TENM2: variants seen among roughly 807,000 people sequenced by gnomAD.
TENM2 encodes the protein teneurin transmembrane protein 2.
In TENM2, 52 loss-of-function variants were observed where a neutral mutation model predicts 245.2. That is an observed-to-expected ratio of 0.21 (90% CI 0.17 to 0.27). TENM2 has a LOEUF of 0.27. Ranked by LOEUF, TENM2 falls within the 10% of genes least tolerant of loss-of-function variation. The pLI is 1.00. For missense variants in TENM2, 3,046 were observed against 3,666.8 expected, an observed-to-expected ratio of 0.83 and a Z score of 4.37; for synonymous variants, 1,363 against 1,438.9, an observed-to-expected ratio of 0.95 and a Z score of 1.19.
At chr5:167,179,564 A>G in the TENM2 span, among the ~76,000 whole-genome samples, 6 of 152,126 alleles carry the variant, frequency 3.9e-5, no homozygotes, top group Admixed American at 6.5e-5. Context: ...TTGGTGGCGT[A>G]GGTTTCTTGA....
chr5:167,530,445 T>C (rs12654925), intron 2 of TENM2, among the ~76,000 whole-genome samples: 12,943 of 152,334 alleles, frequency 0.085, 606 homozygotes, highest in South Asian at 0.19. Context: ...CCTTCTCTTA[T>C]GTCTTTTAAT....
intron 3 of TENM2, among the ~76,000 whole-genome samples, chr5:167,879,213 C>T (rs1170559755): frequency 6.6e-6 from 1 of 152,196 alleles, no homozygotes; most frequent in African/African-American, 2.4e-5. Flanking sequence ...TTTTCTATGA[C>T]AGTGGTGCAT....
the TENM2 span, among the ~76,000 whole-genome samples, chr5:167,024,442 AG>A: frequency 6.6e-6 from 1 of 152,210 alleles, no homozygotes; most frequent in African/African-American, 2.4e-5. Context: ...GAAAGAACTA[AG>A]GTAAGCAATA....
At chr5:167,658,233 G>A (rs1351723764) in intron 2 of TENM2, among the ~76,000 whole-genome samples, 3 of 148,710 alleles carry the variant, frequency 2.0e-5, no homozygotes, top group Non-Finnish European at 4.4e-5. Flanking sequence ...TTTTAAGACC[G>A]AGTTTCACTC....
chr5:167,474,762 C>T (rs1582148541), intron 2 of TENM2, among the ~76,000 whole-genome samples: 2 of 152,094 alleles, frequency 1.3e-5, no homozygotes, highest in African/African-American at 4.8e-5. Flanking sequence ...GTGATCCGCT[C>T]GCCTCAGCCT....
the TENM2 span, among the ~76,000 whole-genome samples, chr5:167,227,371 G>A: frequency 2.0e-5 from 3 of 152,074 alleles, no homozygotes; most frequent in Non-Finnish European, 4.4e-5. Flanking sequence ...ATACTTTTGT[G>A]TGTTTTCATG....
At chr5:167,386,638 A>C (rs1761446637) in intron 2 of TENM2, among the ~76,000 whole-genome samples, 1 of 152,160 alleles carries the variant, frequency 6.6e-6, no homozygotes, top group African/African-American at 2.4e-5. Flanking sequence ...GAATTTTTAT[A>C]GTTTCAGATC....
the TENM2 span, among the ~76,000 whole-genome samples, chr5:167,096,223 T>C: frequency 6.6e-6 from 1 of 152,258 alleles, no homozygotes; most frequent in Non-Finnish European, 1.5e-5. Context: ...AAGCTGATAC[T>C]ACATCTATCA....
chr5:167,212,597 G>T, the TENM2 span, among the ~76,000 whole-genome samples: 2 of 152,112 alleles, frequency 1.3e-5, no homozygotes, highest in Non-Finnish European at 2.9e-5. Flanking sequence ...GATGTGCCAT[G>T]GCTTATTGAA....
At position 168,195,684 on chromosome 5, in the gene TENM2, G is replaced by A. The variant is rs80015809; in HGVS notation, c.2900+389G>A. 5.0e-3 allele frequency among the ~76,000 whole-genome samples: 757 copies of A among 150,506 alleles called. 6 individuals are homozygous for A. The highest frequency in any genetic ancestry group is 0.018 in the African/African-American group (728 of 41,080). ...AACGAACTCCTGTTTTAAATCAAAG[G>A]CAGTGCAGGGTGACAGGAATCCACA... On this transcript the variant is annotated intron_variant, in intron 15 of 28. Coordinates refer to ENST00000518659, the Ensembl canonical transcript of TENM2.
chr5:167,209,218 G>A, the TENM2 span, among the ~76,000 whole-genome samples: 3 of 151,814 alleles, frequency 2.0e-5, no homozygotes, highest in East Asian at 1.9e-4. Flanking sequence ...GAAGTACTTC[G>A]CTTTCCTGGC....
chr5:167,127,760 A>AT, the TENM2 span, among the ~76,000 whole-genome samples: 1 of 152,108 alleles, frequency 6.6e-6, no homozygotes, highest in Non-Finnish European at 1.5e-5. Flanking sequence ...ACACATTAAA[A>AT]TTTTCATTTT....
intron 2 of TENM2, among the ~76,000 whole-genome samples, chr5:167,436,498 T>C (rs1253208698): frequency 1.3e-5 from 2 of 152,208 alleles, no homozygotes; most frequent in African/African-American, 4.8e-5. Context: ...AATAATGCGA[T>C]AGAAAAGAAA....
chr5:167,683,754 A>T (rs1756893974), intron 2 of TENM2, among the ~76,000 whole-genome samples: 1 of 152,204 alleles, frequency 6.6e-6, no homozygotes. Context: ...AAAGTGTAGA[A>T]ATAATTGATG....
At chr5:167,884,740 C>T (rs1774151739) in intron 3 of TENM2, among the ~76,000 whole-genome samples, 2 of 152,158 alleles carry the variant, frequency 1.3e-5, no homozygotes, top group Non-Finnish European at 2.9e-5. Flanking sequence ...ATTGTTTGAG[C>T]ACTTGCTTTG....
intron 16 of TENM2, 77 bp downstream of exon 18, chr5:168,199,191 T>G: frequency 2.1e-6 from 3 of 1,453,178 alleles, no homozygotes; most frequent in Non-Finnish European, 2.8e-6. Context: ...TCTCCCCGAG[T>G]GGACCAGAAA....
the TENM2 span, among the ~76,000 whole-genome samples, chr5:167,002,685 G>T: frequency 6.6e-6 from 1 of 151,618 alleles, no homozygotes; most frequent in South Asian, 2.1e-4. Flanking sequence ...AACAGCCCCT[G>T]TTCTTCGAGC....
chr5:167,287,058 A>G (rs1459532319), intron 1 of TENM2, among the ~76,000 whole-genome samples: 1 of 152,252 alleles, frequency 6.6e-6, no homozygotes, highest in Non-Finnish European at 1.5e-5. Context: ...AGAAATAAAA[A>G]GCATCAGAAG....
intron 5 of TENM2, among the ~76,000 whole-genome samples, chr5:168,019,177 G>A (rs1785925750): frequency 6.6e-6 from 1 of 152,180 alleles, no homozygotes; most frequent in Non-Finnish European, 1.5e-5. Context: ...GGAGCAAAAA[G>A]TATACAAGGA....
Sources: gnomAD v4.1 joint callset for allele counts (sites outside exome capture counted in the v4.1 genomes callset) on GRCh38, gnomAD v4.1.1 for gene constraint, MANE v1.5 for transcripts, NCBI Gene and HGNC (gene_info 2026-07-23, HGNC 2026-07-21) for gene names.